Variants in COL9A1 observed in about 807,000 individuals in gnomAD.
COL9A1 encodes collagen type IX alpha 1 chain, also known as collagen alpha-1(IX) chain.
A neutral mutation model predicts 142.6 loss-of-function variants in COL9A1; 104 were observed. That is an observed-to-expected ratio of 0.73 (90% CI 0.62 to 0.86). The LOEUF (loss-of-function observed/expected upper bound fraction) is 0.86, where lower values mean the gene tolerates loss of function less well. Ranked by LOEUF, COL9A1 falls within the 40% of genes least tolerant of loss-of-function variation. COL9A1 has a pLI of 0.00. For synonymous variants in COL9A1, 466 were observed against 396.0 expected (o/e 1.18, Z -2.10); for missense variants, 1,210 against 1,176.6 (o/e 1.03, Z -0.42).
intron 10 of COL9A1, 90 bp downstream of exon 10, chr6:70,280,722 T>C: frequency 6.8e-7 from 1 of 1,460,876 alleles, no homozygotes; most frequent in East Asian, 2.5e-5. Flanking sequence ...TCTCTCTTTC[T>C]CTCTCTCCCT....
Position 70,260,676 on chromosome 6 carries a change from A to G in COL9A1, c.1430T>C (p.Val477Ala), listed in dbSNP as rs765561791. 5 of 1,613,842 alleles carry G rather than the reference A, an allele frequency of 3.1e-6. No homozygotes were observed. Among genetic ancestry groups the G allele is most frequent in the Middle Eastern group, 1.6e-4 (1 of 6,084 alleles). The change falls in exon 20 of 38, where the codon GTT becomes GCT. Residue 477 changes from valine (V) to alanine (A), a missense_variant. By Grantham distance (64) the Val-to-Ala change is moderately conservative. Transcript: ENST00000357250. ...AQGLRGITGI[V>A]GDKGEKGARG... ...TCTTACTTTTTCCCCTTTGTCCCCA[A>G]CTATGCCGGTGATGCCTCGCAAACC...
intron 31 of COL9A1, 121 bp downstream of exon 31, chr6:70,241,298 T>C (rs1334883827): frequency 2.0e-5 from 17 of 832,422 alleles, no homozygotes; most frequent in Admixed American, 3.6e-5. Flanking sequence ...TATGAACACA[T>C]TGAGAAAAAC....
intron 6 of COL9A1, 105 bp downstream of exon 6, chr6:70,283,632 G>T: frequency 1.2e-6 from 1 of 813,030 alleles, no homozygotes; most frequent in Non-Finnish European, 2.1e-6. Flanking sequence ...TAGCGAAAGA[G>T]AGTGGGGAGG....
chr6:70,241,356 C>G, intron 31 of COL9A1, 63 bp downstream of exon 31: 4 of 1,328,868 alleles, frequency 3.0e-6, no homozygotes, highest in Non-Finnish European at 4.4e-6. Flanking sequence ...GCCATTCCCC[C>G]TTGCTTGTGA....
At chr6:70,239,629 A>G (rs548379132) in intron 32 of COL9A1, among the ~76,000 whole-genome samples, 3 of 152,344 alleles carry the variant, frequency 2.0e-5, no homozygotes, top group South Asian at 2.1e-4. Flanking sequence ...ATTATCTTAT[A>G]AAACACAAGA....
intron 13 of COL9A1, 138 bp from the exon 14 acceptor site, chr6:70,271,846 C>T: frequency 1.0e-6 from 1 of 995,178 alleles, no homozygotes; most frequent in Non-Finnish European, 1.5e-6. Flanking sequence ...ACTCATTTGA[C>T]CAAACTTTAA....
At chr6:70,298,474 C>T (rs72927399) in intron 4 of COL9A1, among the ~76,000 whole-genome samples, 11,839 of 152,212 alleles carry the variant, frequency 0.078, 670 homozygotes, top group East Asian at 0.24. Flanking sequence ...CTCCTTCTTT[C>T]CTTATCTTTT....
intron 17 of COL9A1, among the ~76,000 whole-genome samples, chr6:70,268,221 CTT>C (rs572260654): frequency 6.8e-6 from 1 of 146,698 alleles, no homozygotes. Flanking sequence ...ATAGGAAGCA[CTT>C]TTTTTTTTTG....
At chr6:70,224,338 T>C (rs1271275002) in intron 37 of COL9A1, among the ~76,000 whole-genome samples, 5 of 152,206 alleles carry the variant, frequency 3.3e-5, no homozygotes, top group Non-Finnish European at 5.9e-5. Flanking sequence ...TGGGAGATAA[T>C]GTGCTTCTGA....
At chr6:70,219,624 T>C (rs760527581) in intron 37 of COL9A1, among the ~76,000 whole-genome samples, 47 of 152,168 alleles carry the variant, frequency 3.1e-4, no homozygotes, top group Non-Finnish European at 5.4e-4. Context: ...CACGTAAGTG[T>C]TGGGGAGACC....
At chr6:70,296,324 T>C (rs1773848571) in intron 4 of COL9A1, among the ~76,000 whole-genome samples, 1 of 152,202 alleles carries the variant, frequency 6.6e-6, no homozygotes, top group South Asian at 2.1e-4. Context: ...CATCTTTTTT[T>C]CACTGGTGAC....
At chr6:70,232,545 G>A (rs372626522) in intron 36 of COL9A1, 38 bp downstream of exon 36, 520 of 1,603,642 alleles carry the variant, frequency 3.2e-4, no homozygotes, top group Non-Finnish European at 4.1e-4. Context: ...TCTGAAAAAG[G>A]TTGTGTTCTT....
At position 70,294,373 on chromosome 6, in the gene COL9A1, G is replaced by GACTTCCA; in HGVS notation, c.483_489dup (p.Leu164TrpfsTer16). 1.2e-6 allele frequency: 2 copies of GACTTCCA among 1,614,086 alleles called. No individual in the cohort carries two copies. The highest frequency in any genetic ancestry group is 1.6e-4 in the Middle Eastern group (1 of 6,062). ...AAATTCGAAAAGGCTGCTGTTTGGA[G>GACTTCCA]ACTTCCATCCAGTCCCTTGTATGAA... On this transcript the variant is annotated frameshift_variant, in exon 5 of 38. Transcript: ENST00000357250. LOFTEE classifies it high-confidence loss of function.
intron 5 of COL9A1, among the ~76,000 whole-genome samples, chr6:70,286,922 A>G (rs544113806): frequency 6.6e-6 from 1 of 152,372 alleles, no homozygotes; most frequent in Admixed American, 6.5e-5. Context: ...ACGTATTTTC[A>G]TATAACACAT....
chr6:70,285,842 C>A (rs1773431811), intron 5 of COL9A1, among the ~76,000 whole-genome samples: 1 of 152,234 alleles, frequency 6.6e-6, no homozygotes, highest in South Asian at 2.1e-4. Context: ...AGGTTCCTCA[C>A]ATCTGCCCAG....
chr6:70,249,128 T>C (rs915003195), intron 28 of COL9A1, among the ~76,000 whole-genome samples: 1 of 135,376 alleles, frequency 7.4e-6, no homozygotes, highest in African/African-American at 2.5e-5. Flanking sequence ...GGGAGGTTAA[T>C]GGACAGTTTA....
chr6:70,292,972 C>T (rs1158571691), intron 5 of COL9A1, among the ~76,000 whole-genome samples: 6 of 152,176 alleles, frequency 3.9e-5, no homozygotes, highest in Non-Finnish European at 7.4e-5. Context: ...AATTGCTTCC[C>T]GTCCATCACA....
In COL9A1 at chr6:70,281,397, C is replaced by G. The variant is rs1401851753; in HGVS notation, c.869G>C (p.Gly290Ala). Residue 290 changes from glycine (G) to alanine (A), a missense_variant, in exon 8 of 38, where the codon GGC becomes GCC. By Grantham distance (60) the Gly-to-Ala change is moderately conservative (BLOSUM62 0). Coordinates refer to ENST00000357250, the MANE Select transcript of COL9A1 (RefSeq NM_001851.6). ...CTGGAGATAGAAACTTACGTCGATG[C>G]CATCGATGCCTGGAACTCCAGGGGG... ...PGPPGVPGID[G>A]IDGDRGPKGP... 1 of 1,611,904 alleles carries G rather than the reference C, an allele frequency of 6.2e-7. No homozygotes were observed. The highest frequency in any genetic ancestry group is 1.1e-5 in the South Asian group (1 of 90,894).
Position 70,218,234 on chromosome 6 carries a change from T to C in COL9A1, c.2582-1153A>G, listed in dbSNP as rs563219814. Among the ~76,000 whole-genome samples, 4 of 152,362 alleles carry C rather than the reference T, an allele frequency of 2.6e-5. No individual in the cohort carries two copies. In the South Asian group the frequency reaches 6.2e-4, roughly 24 times the overall value. On this transcript the variant is annotated intron_variant, in intron 37 of 37. Coordinates refer to ENST00000357250, the MANE Select transcript of COL9A1 (RefSeq NM_001851.6). ...ATTAAGATATTATTGATTAATGTCT[T>C]TTAGAAGGCTGTGCCATGTGCCCTA...
Sources: gnomAD v4.1 joint callset for allele counts (sites outside exome capture counted in the v4.1 genomes callset) on GRCh38, gnomAD v4.1.1 for gene constraint, MANE v1.5 for transcripts, NCBI Gene and HGNC (gene_info 2026-07-23, HGNC 2026-07-21) for gene names.